Variants in ANKIB1 observed in about 807,000 individuals in gnomAD.
The protein encoded by ANKIB1 is ankyrin repeat and IBR domain containing 1, also known as ankyrin repeat and IBR domain-containing protein 1.
A neutral mutation model predicts 122.1 loss-of-function variants in ANKIB1; 43 were observed. The ratio of observed to expected loss-of-function variants is 0.35; its 90% CI spans 0.28 to 0.45. ANKIB1 has a LOEUF of 0.45. ANKIB1 is among the 20% of genes least tolerant of loss of function. ANKIB1 has a pLI of 1.00. For missense variants in ANKIB1, 992 were observed against 1,329.5 expected, an observed-to-expected ratio of 0.75 and a Z score of 3.95; for synonymous variants, 390 against 442.0, an observed-to-expected ratio of 0.88 and a Z score of 1.48.
rs771646795 is a variant in ANKIB1, at chr7:92,398,822, C to A, written c.3143C>A (p.Ala1048Glu). 1.2e-6 allele frequency: 2 copies of A among 1,604,968 alleles called. No individual in the cohort carries two copies. Among genetic ancestry groups the A allele is most frequent in the Non-Finnish European group, 1.7e-6 (2 of 1,175,466 alleles). The change falls in exon 20 of 20, where the codon GCG becomes GAG. Residue 1048 changes from alanine to glutamate, a missense_variant. Ala to Glu is a moderately radical substitution (Grantham distance 107). This residue lies in a region of ANKIB1 where 384 missense variants were observed against 412.0 expected (regional missense o/e 0.93). Transcript: ENST00000265742. Reference sequence around the variant, plus strand: ...AATCCTTTGGAAGAAAATATTCTGGCGGGGGAAGCAGCATCTCAAGCTGGT... The same window carrying A: ...AATCCTTTGGAAGAAAATATTCTGGAGGGGGAAGCAGCATCTCAAGCTGGT... Reference protein sequence around the residue: ...EENPLEENILAGEAASQAGDS... With the variant: ...EENPLEENILEGEAASQAGDS...
In ANKIB1 at chr7:92,392,299, G is replaced by GT; in HGVS notation, c.2283+11dup. On this transcript the variant is annotated splice_region_variant and intron_variant, in intron 17 of 19. Transcript: ENST00000265742. ...AGGATTTGCATCACCAGAGGTAATT[G>GT]TTTTATGGGGTTTTTGTTTTTGTAT... 6.2e-7 allele frequency: 1 copy of GT among 1,608,778 alleles called. No homozygotes were observed. Among genetic ancestry groups the GT allele is most frequent in the African/African-American group, 1.3e-5 (1 of 74,860 alleles).
Position 92,390,105 on chromosome 7 carries a change from G to C in ANKIB1, c.2041G>C (p.Glu681Gln), listed in dbSNP as rs1197761777. ...TAAAAGCACAAAGAAAGAAATTTTT[G>C]AACTAATGCAAGTAAGATTTTTTTA... ...EPKSTKKEIF[E>Q]LMQTDLEMVT... Residue 681 changes from glutamate to glutamine, a missense_variant, in exon 15 of 20, where the codon GAA (glutamate) becomes CAA (glutamine). Physicochemically the swap from Glu to Gln is conservative, Grantham distance 29. Coordinates refer to ENST00000265742, the MANE Select transcript of ANKIB1 (RefSeq NM_019004.2). The C allele has an allele frequency of 6.4e-7, 1 of 1,572,598 alleles. No individual in the cohort carries two copies. Among genetic ancestry groups the C allele is most frequent in the Admixed American group, 2.0e-5 (1 of 50,356 alleles).
At chr7:92,379,379 G>A (rs1233773263) in intron 11 of ANKIB1, among the ~76,000 whole-genome samples, 3 of 152,138 alleles carry the variant, frequency 2.0e-5, no homozygotes, top group Admixed American at 6.5e-5. Context: ...GTGACAGAGC[G>A]AGACTCCATC....
Position 92,399,105 on chromosome 7 carries a change from A to AT in ANKIB1, c.*162dup, listed in dbSNP as rs1354029410. On this transcript the variant is annotated 3_prime_UTR_variant, in exon 20 of 20. Transcript: ENST00000265742. ...AGAAGTTCCCTTGAATGGTAGCTTC[A>AT]TTTTTTATTTTAACCTTACAGGGAA... The AT allele has an allele frequency of 2.2e-5, 16 of 728,818 alleles. No individual in the cohort carries two copies. The highest frequency in any genetic ancestry group is 5.5e-5 in the African/African-American group (3 of 54,392). The allele number at this position is 728,818 out of a possible 1,614,324, so 45.1% of individuals were successfully genotyped here. A position where few individuals can be genotyped will look rare whatever the true frequency, so the allele number is the denominator to read the frequency against.
intron 11 of ANKIB1, 44 bp from the exon 12 acceptor site, chr7:92,386,465 A>T: frequency 6.6e-7 from 1 of 1,518,596 alleles, no homozygotes; most frequent in Non-Finnish European, 8.8e-7. Context: ...AATAATTTGC[A>T]TATTAATATG....
Position 92,319,368 on chromosome 7 carries a change from T to C in ANKIB1, c.525T>C (p.Asn175=). 1 of 1,603,656 alleles carries C rather than the reference T, an allele frequency of 6.2e-7. No individual in the cohort carries two copies. Among genetic ancestry groups the C allele is most frequent in the Non-Finnish European group, 8.5e-7 (1 of 1,176,572 alleles). ...ATGGAGGAGACTTGTTTGCTGAGAA[T>C]GAAAATAAAGATACTCCTTGTGATT... is the stretch of plus-strand genomic sequence containing the variant. The part of the protein sequence containing the change: ...VKHGGDLFAE[N]ENKDTPCDCA... Residue 175 remains asparagine (N), a synonymous_variant, in exon 4 of 20, where the codon AAT becomes AAC. Transcript: ENST00000265742.
chr7:92,318,053 A>G (rs1179264850), intron 3 of ANKIB1, among the ~76,000 whole-genome samples: 1 of 152,188 alleles, frequency 6.6e-6, no homozygotes, highest in Admixed American at 6.5e-5. Context: ...TCTACTGCTT[A>G]CTAGCTGGGT....
At chr7:92,262,834 C>T (rs910067237) in intron 1 of ANKIB1, among the ~76,000 whole-genome samples, 7 of 152,076 alleles carry the variant, frequency 4.6e-5, no homozygotes, top group Non-Finnish European at 8.8e-5. Context: ...TTAGTGATCA[C>T]AGTGATGATG....
chr7:92,365,682 C>A (rs368523806), intron 10 of ANKIB1, among the ~76,000 whole-genome samples: 2 of 149,604 alleles, frequency 1.3e-5, no homozygotes, highest in African/African-American at 4.9e-5. Context: ...AATGTTAGTT[C>A]TGAGACAACT....
chr7:92,344,147 A>G (rs1803487129), intron 6 of ANKIB1, among the ~76,000 whole-genome samples: 1 of 141,998 alleles, frequency 7.0e-6, no homozygotes, highest in Non-Finnish European at 1.5e-5. Flanking sequence ...AAAATGGCAT[A>G]GTTTTAATAC....
At chr7:92,328,097 T>C (rs1250266140) in intron 5 of ANKIB1, among the ~76,000 whole-genome samples, 197 bp downstream of exon 5, 2 of 152,212 alleles carry the variant, frequency 1.3e-5, no homozygotes, top group East Asian at 3.8e-4. Context: ...AATTGGCATA[T>C]ATCTAAGAGG....
chr7:92,320,343 G>A lies in ANKIB1; in HGVS notation c.669+831G>A, dbSNP rs145726501. 3.9e-5 allele frequency among the ~76,000 whole-genome samples: 6 copies of A among 152,152 alleles called. No individual in the cohort carries two copies. The East Asian group carries it at 5.8e-4, about 15-fold the overall frequency. On this transcript the variant is annotated intron_variant, in intron 4 of 19. Coordinates refer to ENST00000265742, the MANE Select transcript of ANKIB1 (RefSeq NM_019004.2). ...TTCTACTCTGATGGAACTGCCCCCC[G>A]TCATGGAGTGACATGTTGCCAAATT...
At chr7:92,306,521 T>C in intron 2 of ANKIB1, among the ~76,000 whole-genome samples, 1 of 151,888 alleles carries the variant, frequency 6.6e-6, no homozygotes, top group East Asian at 1.9e-4. Context: ...CATTGGAGGG[T>C]AATTAGATCA....
intron 1 of ANKIB1, among the ~76,000 whole-genome samples, chr7:92,271,701 T>C (rs1044496246): frequency 1.3e-5 from 2 of 152,204 alleles, no homozygotes; most frequent in African/African-American, 4.8e-5. Flanking sequence ...AATTAAAATA[T>C]GATAGCAGGA....
intron 1 of ANKIB1, among the ~76,000 whole-genome samples, chr7:92,259,953 C>G (rs541512214): frequency 6.6e-6 from 1 of 152,332 alleles, no homozygotes; most frequent in South Asian, 2.1e-4. Context: ...TACCTCCTGT[C>G]TTTAAGCTAC....
At chr7:92,324,806 A>G (rs1802989812) in intron 4 of ANKIB1, among the ~76,000 whole-genome samples, 2 of 152,224 alleles carry the variant, frequency 1.3e-5, no homozygotes, top group African/African-American at 4.8e-5. Context: ...AAATAATTAA[A>G]CTATAAATGG....
At chr7:92,336,503 T>G (rs1210426904) in intron 5 of ANKIB1, among the ~76,000 whole-genome samples, 1 of 152,132 alleles carries the variant, frequency 6.6e-6, no homozygotes, top group African/African-American at 2.4e-5. Flanking sequence ...ATTTTCCAGT[T>G]TTTCCACATG....
chr7:92,328,036 G>A, intron 5 of ANKIB1, 136 bp downstream of exon 5: 1 of 597,954 alleles, frequency 1.7e-6, no homozygotes, highest in Admixed American at 3.7e-5. Flanking sequence ...GTTTTGTGCA[G>A]TTGTTACTTC....
chr7:92,399,228 C>T lies in ANKIB1; in HGVS notation c.*279C>T. ...AAAATGAAATAAATAAGTTGTATTC[C>T]ACACTCTAAGAAAATGCAGTCCTCT... is the stretch of plus-strand genomic sequence containing the variant. On this transcript the variant is annotated 3_prime_UTR_variant, in exon 20 of 20. Coordinates refer to ENST00000265742, the MANE Select transcript of ANKIB1 (RefSeq NM_019004.2). 1 of 238,264 alleles carries T rather than the reference C, an allele frequency of 4.2e-6. No homozygotes were observed. The highest frequency in any genetic ancestry group is 8.0e-6 in the Non-Finnish European group (1 of 125,364). 14.8% of individuals were successfully genotyped at this position (238,264 alleles called of 1,614,324 possible).
Sources: allele counts gnomAD v4.1 joint callset (sites outside exome capture counted in the v4.1 genomes callset), GRCh38; gene constraint gnomAD v4.1.1; regional missense constraint gnomAD v4.1.1; transcripts MANE v1.5; gene names NCBI Gene and HGNC (gene_info 2026-07-23, HGNC 2026-07-21).